The following PCDH15 variants were observed in gnomAD, a reference collection of about 807,000 sequenced individuals.
PCDH15 encodes protocadherin related 15, also known as protocadherin-15.
In PCDH15, 129 loss-of-function variants were observed where a neutral mutation model predicts 178.5. That is an observed-to-expected ratio of 0.72 (90% CI 0.63 to 0.84). The LOEUF (loss-of-function observed/expected upper bound fraction) is 0.84. Among genes scored for constraint, PCDH15 ranks in the 40% least tolerant of loss-of-function variants. The pLI is 0.00. For missense variants in PCDH15, 2,230 were observed against 2,099.9 expected (o/e 1.06, Z -1.21); for synonymous variants, 800 against 732.0 (o/e 1.09, Z -1.50).
chr10:54,423,476 G>T (rs968839036), intron 3 of PCDH15, among the ~76,000 whole-genome samples: 2 of 151,864 alleles, frequency 1.3e-5, no homozygotes, highest in African/African-American at 4.9e-5. Context: ...AGAAAGAAGA[G>T]TTGGATTGGA....
chr10:54,792,983 G>A (rs1384113185), intron 1 of PCDH15, among the ~76,000 whole-genome samples: 1 of 151,692 alleles, frequency 6.6e-6, no homozygotes, highest in African/African-American at 2.4e-5. Context: ...TGGACCACCA[G>A]GTGAGCTAGG....
At position 54,236,951 on chromosome 10, in the gene PCDH15, A is replaced by G. The variant is rs771714998; in HGVS notation, c.877-20T>C. ...TTCTTCCTGAAAAAAAAATTAAGAG[A>G]GTTTCATTCAGCCGCATTACTAATA... On this transcript the variant is annotated intron_variant, in intron 8 of 37. Coordinates refer to ENST00000644397, the MANE Select transcript of PCDH15 (RefSeq NM_001384140.1). The G allele has an allele frequency of 1.3e-6, 2 of 1,570,358 alleles. No individual in the cohort carries two copies. The highest frequency in any genetic ancestry group is 1.8e-6 in the Non-Finnish European group (2 of 1,140,262).
intron 1 of PCDH15, among the ~76,000 whole-genome samples, chr10:54,707,803 G>A (rs12413003): frequency 0.14 from 20,671 of 151,904 alleles, 1,504 homozygotes; most frequent in East Asian, 0.25. Context: ...CCACATGCTG[G>A]CTGTTTCATC....
chr10:53,959,611 G>T, intron 23 of PCDH15, 121 bp downstream of exon 23: 1 of 701,200 alleles, frequency 1.4e-6, no homozygotes, highest in Non-Finnish European at 2.5e-6. Context: ...TGTTAATTTA[G>T]AAACGCCTAA....
chr10:54,195,564 C>G, intron 11 of PCDH15, 119 bp downstream of exon 11: 1 of 855,826 alleles, frequency 1.2e-6, no homozygotes, highest in Non-Finnish European at 1.9e-6. Context: ...CTAAAACTCA[C>G]TTACAGTGAC....
At chr10:53,808,110 T>C (rs1043138329) in intron 37 of PCDH15, 1 of 152,170 alleles carries the variant, frequency 6.6e-6, no homozygotes, top group African/African-American at 2.4e-5. Context: ...GTAATAACTT[T>C]TAATTAATTG....
intron 2 of PCDH15, among the ~76,000 whole-genome samples, chr10:55,041,701 G>T (rs1332505821): frequency 6.6e-6 from 1 of 152,044 alleles, no homozygotes; most frequent in African/African-American, 2.4e-5. Flanking sequence ...CTAATAACTT[G>T]CCATCTTCTT....
chr10:55,197,683 CACAT>C (rs1840131719), intron 1 of PCDH15, among the ~76,000 whole-genome samples: 2 of 152,072 alleles, frequency 1.3e-5, no homozygotes, highest in Admixed American at 1.3e-4. Context: ...TCCACTTCTA[CACAT>C]CCTCCTGGTT....
At chr10:55,624,348 A>G (rs904096797) in intron 2 of PCDH15, among the ~76,000 whole-genome samples, 1 of 151,946 alleles carries the variant, frequency 6.6e-6, no homozygotes, top group Non-Finnish European at 1.5e-5. Context: ...ACATTATTCC[A>G]TTACATGCAT....
At chr10:54,381,638 A>C (rs182672303) in intron 3 of PCDH15, among the ~76,000 whole-genome samples, 153 of 152,270 alleles carry the variant, frequency 1.0e-3, no homozygotes, top group African/African-American at 3.6e-3. Context: ...CAGCTAGAAC[A>C]AGCAATGTTT....
At chr10:55,465,183 G>A (rs1243680339) in intron 2 of PCDH15, among the ~76,000 whole-genome samples, 2 of 152,194 alleles carry the variant, frequency 1.3e-5, no homozygotes, top group African/African-American at 4.8e-5. Context: ...AGGGCTGGCA[G>A]TCTGAAATCT....
chr10:55,108,345 T>C (rs747383734), intron 2 of PCDH15, among the ~76,000 whole-genome samples: 1 of 152,196 alleles, frequency 6.6e-6, no homozygotes. Flanking sequence ...ATAATAGTAT[T>C]TAAATAGAGT....
chr10:54,336,269 G>A (rs1481847737), intron 6 of PCDH15, among the ~76,000 whole-genome samples: 1 of 152,182 alleles, frequency 6.6e-6, no homozygotes, highest in Non-Finnish European at 1.5e-5. Flanking sequence ...ATTTTCTGAG[G>A]AGAAATTCAA....
intron 26 of PCDH15, among the ~76,000 whole-genome samples, chr10:53,889,707 G>A (rs1218746391): frequency 6.6e-6 from 1 of 152,020 alleles, no homozygotes; most frequent in Non-Finnish European, 1.5e-5. Context: ...AAGTATATTT[G>A]TAATATTAAG....
intron 20 of PCDH15, 30 bp downstream of exon 20, chr10:54,020,162 A>T (rs775587168): frequency 3.1e-6 from 5 of 1,591,422 alleles, no homozygotes; most frequent in Non-Finnish European, 4.3e-6. Context: ...AGAGCAAAGC[A>T]GGCAACCAGA....
At chr10:55,505,893 G>A (rs1230345560) in intron 2 of PCDH15, among the ~76,000 whole-genome samples, 3 of 151,362 alleles carry the variant, frequency 2.0e-5, no homozygotes, top group Non-Finnish European at 4.4e-5. Context: ...CCTCCAGGTG[G>A]CTTTTAACTA....
chr10:53,808,807 T>G (rs767027399), intron 37 of PCDH15: 8 of 1,611,800 alleles, frequency 5.0e-6, no homozygotes, highest in South Asian at 4.4e-5. Context: ...AGACTGACTT[T>G]CGCTACTACT....
chr10:55,128,069 G>C (rs1327502724), intron 2 of PCDH15, among the ~76,000 whole-genome samples: 3 of 151,964 alleles, frequency 2.0e-5, no homozygotes, highest in Non-Finnish European at 4.4e-5. Context: ...AGAGAGTGTA[G>C]ATACTGGATT....
chr10:54,972,524 G>A (rs1838960668), intron 2 of PCDH15, among the ~76,000 whole-genome samples: 1 of 147,868 alleles, frequency 6.8e-6, no homozygotes, highest in Middle Eastern at 4.2e-3. Flanking sequence ...TGGGGGACAA[G>A]AGCAAGACTT....
Sources: allele counts gnomAD v4.1 joint callset (sites outside exome capture counted in the v4.1 genomes callset), GRCh38; gene constraint gnomAD v4.1.1; transcripts MANE v1.5; gene names NCBI Gene and HGNC (gene_info 2026-07-23, HGNC 2026-07-21).